The following SKA2 variants were observed in gnomAD, a reference collection of about 807,000 sequenced individuals.
The protein encoded by SKA2 is spindle and kinetochore associated complex subunit 2.
Under a neutral mutation model 16.9 loss-of-function variants are expected in SKA2, and 13 were observed. The ratio of observed to expected loss-of-function variants is 0.77; its 90% CI spans 0.50 to 1.22. The LOEUF (loss-of-function observed/expected upper bound fraction) is 1.22, where lower values mean the gene tolerates loss of function less well. Ranked by LOEUF, SKA2 falls within the 50% of genes most tolerant of loss-of-function variation. The probability of loss-of-function intolerance (pLI) is 0.00; values close to 1 mark genes in which losing one functional copy is unlikely to be tolerated. For missense variants in SKA2, 107 were observed against 139.7 expected, an observed-to-expected ratio of 0.77 and a Z score of 1.18; for synonymous variants, 47 against 48.5, an observed-to-expected ratio of 0.97 and a Z score of 0.13.
chr17:59,110,771 A>G lies in SKA2; in HGVS notation c.*1506T>C, dbSNP rs2046258512. ...ACCACTGCATTCCAGCCTGGGCAAC[A>G]GAGTGAGACTCCGTCTCAAAAAAAA... On this transcript the variant is annotated 3_prime_UTR_variant, in exon 4 of 4. Coordinates refer to ENST00000330137, the MANE Select transcript of SKA2 (RefSeq NM_182620.4). The G allele has an allele frequency of 7.2e-6, 1 of 138,432 alleles. No individual in the cohort carries two copies. The highest frequency in any genetic ancestry group is 1.5e-5 in the Non-Finnish European group (1 of 65,610). The allele number at this position is 138,432 out of a possible 1,614,324, so 8.6% of individuals were successfully genotyped here. A position where few individuals can be genotyped will look rare whatever the true frequency, so the allele number is the denominator to read the frequency against.
chr17:59,121,219 A>G (rs1437191000), intron 2 of SKA2, among the ~76,000 whole-genome samples: 2 of 152,140 alleles, frequency 1.3e-5, no homozygotes, highest in African/African-American at 4.8e-5. Context: ...TCAGCATCTC[A>G]AAAAGTTAAC....
intron 1 of SKA2, among the ~76,000 whole-genome samples, chr17:59,149,311 C>T (rs1482832036): frequency 6.6e-6 from 1 of 152,104 alleles, no homozygotes; most frequent in Non-Finnish European, 1.5e-5. Context: ...AGTTAGAGAA[C>T]CAGCCTGGCA....
At chr17:59,139,379 A>G (rs1450882106) in intron 1 of SKA2, among the ~76,000 whole-genome samples, 2 of 147,532 alleles carry the variant, frequency 1.4e-5, no homozygotes, top group Non-Finnish European at 1.5e-5. Flanking sequence ...CCTGGGCAAC[A>G]GAGCAAGACT....
At position 59,110,875 on chromosome 17, in the gene SKA2, C is replaced by T. The variant is rs1199094333; in HGVS notation, c.*1402G>A. 6.6e-6 allele frequency: 1 copy of T among 150,782 alleles called. No homozygotes were observed. The highest frequency in any genetic ancestry group is 2.4e-5 in the African/African-American group (1 of 40,954). The allele number at this position is 150,782 out of a possible 1,614,324, so 9.3% of individuals were successfully genotyped here. The stretch of plus-strand genomic sequence containing the variant: ...ATTTTAACTGAAGCTGTTCTCACAA[C>T]CCTGTTTTTCAGCTATTATAAGTTT... On this transcript the variant is annotated 3_prime_UTR_variant, in exon 4 of 4. Transcript: ENST00000330137.
Position 59,155,142 on chromosome 17 carries a change from G to T in SKA2, c.22C>A (p.Leu8Met), listed in dbSNP as rs781155337. Residue 8 changes from leucine (L) to methionine (M), a missense_variant, in exon 1 of 4, where the codon CTG becomes ATG. By Grantham distance (15) the Leu-to-Met change is conservative (BLOSUM62 2). Coordinates refer to ENST00000330137, the MANE Select transcript of SKA2 (RefSeq NM_182620.4). MEAEVDK[L>M]ELMFQKAESD... ...CACTTTGCACTCACCATCAGTTCCA[G>T]CTTATCGACCTCCGCCTCCATGTTG... 6.2e-7 allele frequency: 1 copy of T among 1,614,004 alleles called. No individual in the cohort carries two copies. Among genetic ancestry groups the T allele is most frequent in the African/African-American group, 1.3e-5 (1 of 75,040 alleles).
intron 1 of SKA2, among the ~76,000 whole-genome samples, chr17:59,139,396 C>CAAAAAA (rs113246125): frequency 2.2e-4 from 11 of 50,224 alleles, no homozygotes; most frequent in African/African-American, 3.0e-4. Flanking sequence ...GACTCCGTCT[C>CAAAAAA]AAAAAAAAAA....
chr17:59,141,567 AC>A (rs2046489942), intron 1 of SKA2, among the ~76,000 whole-genome samples: 1 of 151,452 alleles, frequency 6.6e-6, no homozygotes, highest in African/African-American at 2.4e-5. Flanking sequence ...CCTCATCTCT[AC>A]AAAAAATACA....
chr17:59,140,138 C>T (rs975117871), intron 1 of SKA2, among the ~76,000 whole-genome samples: 4 of 152,082 alleles, frequency 2.6e-5, no homozygotes, highest in Non-Finnish European at 1.5e-5. Flanking sequence ...CATGCCCTAA[C>T]ACCAGGTCAC....
intron 1 of SKA2, among the ~76,000 whole-genome samples, chr17:59,140,859 G>T (rs1427109362): frequency 6.8e-6 from 1 of 147,414 alleles, no homozygotes; most frequent in Non-Finnish European, 1.5e-5. Flanking sequence ...TCCTGACCTT[G>T]TGATCCACCC....
At chr17:59,155,036 G>C in intron 1 of SKA2, 95 bp downstream of exon 1, 1 of 1,613,952 alleles carries the variant, frequency 6.2e-7, no homozygotes, top group Non-Finnish European at 8.5e-7. Flanking sequence ...AGCCTCCGCC[G>C]CCCGGAGTTT....
chr17:59,123,238 ATTC>A (rs1383540611), intron 2 of SKA2, among the ~76,000 whole-genome samples: 1 of 127,690 alleles, frequency 7.8e-6, no homozygotes, highest in Admixed American at 1.0e-4. Flanking sequence ...ATAGTACAAA[ATTC>A]TTTTTTTTTT....
intron 2 of SKA2, among the ~76,000 whole-genome samples, chr17:59,127,440 G>A (rs943932652): frequency 6.6e-6 from 1 of 152,130 alleles, no homozygotes; most frequent in African/African-American, 2.4e-5. Context: ...CCAGGCTGGA[G>A]TTCAATGGCG....
intron 1 of SKA2, among the ~76,000 whole-genome samples, chr17:59,147,377 GACACACACACAC>G (rs57098353): frequency 3.9e-4 from 54 of 138,134 alleles, no homozygotes; most frequent in Non-Finnish European, 6.5e-4. Context: ...TTATATATAA[GACACACACACAC>G]ACACACACAC....
chr17:59,132,588 G>A (rs922185963), intron 1 of SKA2, among the ~76,000 whole-genome samples: 8 of 152,154 alleles, frequency 5.3e-5, no homozygotes, highest in African/African-American at 1.7e-4. Flanking sequence ...CAGTTGAACC[G>A]AGGAAGCGGA....
intron 1 of SKA2, among the ~76,000 whole-genome samples, chr17:59,143,785 T>C (rs1359187703): frequency 1.3e-5 from 2 of 152,160 alleles, no homozygotes; most frequent in Non-Finnish European, 2.9e-5. Context: ...AAACTTTAAC[T>C]GGATGTTTAC....
intron 2 of SKA2, among the ~76,000 whole-genome samples, chr17:59,130,269 T>G (rs1948551656): frequency 6.6e-6 from 1 of 151,966 alleles, no homozygotes; most frequent in African/African-American, 2.4e-5. Context: ...ATGGAATTTT[T>G]TTTTAACTGT....
chr17:59,147,719 C>T (rs2046544325), intron 1 of SKA2, among the ~76,000 whole-genome samples: 1 of 151,118 alleles, frequency 6.6e-6, no homozygotes, highest in South Asian at 2.1e-4. Flanking sequence ...CTGCCTCAGC[C>T]TCCCAAAGTG....
At chr17:59,149,474 C>G (rs2046560116) in intron 1 of SKA2, among the ~76,000 whole-genome samples, 1 of 151,948 alleles carries the variant, frequency 6.6e-6, no homozygotes, top group Non-Finnish European at 1.5e-5. Flanking sequence ...CCACCGCACT[C>G]CAGCCTGGGT....
chr17:59,137,482 T>A (rs1039799428), intron 1 of SKA2, among the ~76,000 whole-genome samples: 2 of 152,174 alleles, frequency 1.3e-5, no homozygotes, highest in African/African-American at 4.8e-5. Context: ...CTAGTCCTAG[T>A]ATCACTAACC....
Sources: allele counts gnomAD v4.1 joint callset (sites outside exome capture counted in the v4.1 genomes callset), GRCh38; gene constraint gnomAD v4.1.1; transcripts MANE v1.5; gene names NCBI Gene and HGNC (gene_info 2026-07-23, HGNC 2026-07-21).